EFCAB5: variants seen among roughly 807,000 people sequenced by gnomAD.
The protein encoded by EFCAB5 is EF-hand calcium-binding domain-containing protein 5.
Under a neutral mutation model 167.9 loss-of-function variants are expected in EFCAB5, and 131 were observed. The ratio of observed to expected loss-of-function variants is 0.78; its 90% CI spans 0.68 to 0.90. EFCAB5 has a LOEUF of 0.90. Ranked by LOEUF, EFCAB5 falls within the 40% of genes least tolerant of loss-of-function variation. The pLI, the probability that EFCAB5 is intolerant of heterozygous loss-of-function variation, is 0.00. For missense variants in EFCAB5, 1,663 were observed against 1,745.2 expected (o/e 0.95, Z 0.84); for synonymous variants, 574 against 602.8 (o/e 0.95, Z 0.70).
chr17:30,025,693 C>T lies in EFCAB5; in HGVS notation c.1045-8537C>T, dbSNP rs2069299551. The stretch of plus-strand genomic sequence containing the variant: ...GGTATATACCCAAAGGACTATAAAT[C>T]ATGCTGCTATAAAGACACATGCACA... On this transcript the variant is annotated intron_variant, in intron 7 of 22. Transcript: ENST00000394835. 1.3e-5 allele frequency among the ~76,000 whole-genome samples: 2 copies of T among 152,188 alleles called. 1 individual carries two copies. The highest frequency in any genetic ancestry group is 4.1e-4 in the South Asian group (2 of 4,832).
At chr17:30,093,031 C>T in intron 22 of EFCAB5, 95 bp downstream of exon 22, 2 of 895,978 alleles carry the variant, frequency 2.2e-6, no homozygotes, top group Non-Finnish European at 3.3e-6. Context: ...GTCATAAATT[C>T]AGTTTTTAGG....
At chr17:30,048,194 G>T (rs1245253548) in intron 8 of EFCAB5, among the ~76,000 whole-genome samples, 1 of 152,066 alleles carries the variant, frequency 6.6e-6, no homozygotes, top group East Asian at 1.9e-4. Context: ...GTTATTTCTG[G>T]TTCTTGGATG....
intron 8 of EFCAB5, among the ~76,000 whole-genome samples, chr17:30,036,838 A>G (rs1567730771): frequency 2.0e-5 from 3 of 152,366 alleles, no homozygotes; most frequent in Non-Finnish European, 2.9e-5. Context: ...GTAAAGAAGA[A>G]TGCAAAATAT....
intron 15 of EFCAB5, among the ~76,000 whole-genome samples, chr17:30,079,240 C>T (rs1249924669): frequency 6.6e-6 from 1 of 152,102 alleles, no homozygotes; most frequent in Non-Finnish European, 1.5e-5. Flanking sequence ...CAAAAGACCA[C>T]TCAAGAAGAA....
chr17:30,017,413 C>T (rs180922070), intron 7 of EFCAB5, among the ~76,000 whole-genome samples: 1 of 152,128 alleles, frequency 6.6e-6, no homozygotes, highest in East Asian at 1.9e-4. Flanking sequence ...CTTAGGTGAA[C>T]ATCAAAACAG....
chr17:29,995,967 T>A (rs1264887420), intron 5 of EFCAB5, among the ~76,000 whole-genome samples: 5 of 152,212 alleles, frequency 3.3e-5, no homozygotes, highest in African/African-American at 2.4e-5. Flanking sequence ...TTAGCAGAAT[T>A]CATGTTGCTC....
intron 17 of EFCAB5, among the ~76,000 whole-genome samples, chr17:30,081,498 A>C (rs2151836322): frequency 6.6e-6 from 1 of 152,334 alleles, no homozygotes; most frequent in South Asian, 2.1e-4. Context: ...ACAAAATGAT[A>C]GGCACTTTTA....
At chr17:30,041,199 G>GA (rs1567733710) in intron 8 of EFCAB5, among the ~76,000 whole-genome samples, 22 of 148,404 alleles carry the variant, frequency 1.5e-4, no homozygotes, top group African/African-American at 4.6e-4. Context: ...AGGAAGGAAG[G>GA]AAGAAAGGAA....
At chr17:29,948,754 A>G (rs923652951) in intron 3 of EFCAB5, among the ~76,000 whole-genome samples, 5 of 152,152 alleles carry the variant, frequency 3.3e-5, no homozygotes, top group Non-Finnish European at 5.9e-5. Context: ...TTGTTTTTCT[A>G]CTTTTCAGGC....
intron 4 of EFCAB5, among the ~76,000 whole-genome samples, chr17:29,970,754 T>G (rs1265409232): frequency 1.3e-5 from 2 of 152,056 alleles, no homozygotes; most frequent in African/African-American, 4.8e-5. Context: ...TTTGCTCATC[T>G]TATTTTGTGT....
chr17:29,944,635 T>C (rs2067361663), intron 3 of EFCAB5, among the ~76,000 whole-genome samples: 1 of 150,976 alleles, frequency 6.6e-6, no homozygotes, highest in African/African-American at 2.4e-5. Context: ...TTGTTTTTTT[T>C]TTTTTGAGAC....
chr17:29,991,104 C>T (rs149478466), intron 4 of EFCAB5, among the ~76,000 whole-genome samples: 2 of 152,288 alleles, frequency 1.3e-5, no homozygotes, highest in Non-Finnish European at 2.9e-5. Flanking sequence ...AAACTTGTCC[C>T]ATTGTTACCC....
intron 4 of EFCAB5, among the ~76,000 whole-genome samples, chr17:29,974,655 T>C (rs1409854448): frequency 6.6e-6 from 1 of 152,190 alleles, no homozygotes; most frequent in African/African-American, 2.4e-5. Context: ...TAATCCTTTT[T>C]AACCATGACT....
intron 22 of EFCAB5, among the ~76,000 whole-genome samples, chr17:30,100,790 C>T (rs1225178625): frequency 6.6e-6 from 1 of 151,088 alleles, no homozygotes; most frequent in Non-Finnish European, 1.5e-5. Flanking sequence ...GAGATTTAAG[C>T]AAAGATGTGA....
chr17:30,016,846 A>T (rs2069054033), intron 7 of EFCAB5, among the ~76,000 whole-genome samples: 1 of 152,166 alleles, frequency 6.6e-6, no homozygotes, highest in Non-Finnish European at 1.5e-5. Flanking sequence ...TAAATGAGAT[A>T]GGATGAGGAA....
At chr17:29,941,491 C>T (rs2067296673), upstream of EFCAB5, 1 of 203,114 alleles carries the variant, frequency 4.9e-6, no homozygotes, top group South Asian at 1.8e-4. Flanking sequence ...AATTGCATTA[C>T]TGCTGCTGTA....
chr17:30,094,418 C>T (rs1269510496), intron 22 of EFCAB5, among the ~76,000 whole-genome samples: 3 of 150,216 alleles, frequency 2.0e-5, no homozygotes, highest in East Asian at 3.9e-4. Context: ...CACCTGTAAT[C>T]CCGACACTTT....
chr17:29,965,985 C>T (rs2067819439), intron 3 of EFCAB5, among the ~76,000 whole-genome samples: 1 of 150,814 alleles, frequency 6.6e-6, no homozygotes, highest in Admixed American at 6.6e-5. Flanking sequence ...TTGGTAGTTC[C>T]AAGGAAATAA....
intron 14 of EFCAB5, among the ~76,000 whole-genome samples, chr17:30,072,881 A>G (rs2070775609): frequency 6.6e-6 from 1 of 151,876 alleles, no homozygotes; most frequent in African/African-American, 2.4e-5. Flanking sequence ...CTTTTTGTCA[A>G]CTTTTCATTT....
Sources: allele counts gnomAD v4.1 joint callset (sites outside exome capture counted in the v4.1 genomes callset), GRCh38; gene constraint gnomAD v4.1.1; transcripts MANE v1.5; gene names NCBI Gene and HGNC (gene_info 2026-07-23, HGNC 2026-07-21).